TRAF7: variants seen among roughly 807,000 people sequenced by gnomAD.
TRAF7 encodes the protein TNF receptor associated factor 7.
A neutral mutation model predicts 89.3 loss-of-function variants in TRAF7; 45 were observed. That is an observed-to-expected ratio of 0.50 (90% confidence interval 0.40 to 0.65). The LOEUF is 0.65. Among genes scored for constraint, TRAF7 ranks in the 30% least tolerant of loss-of-function variants. The probability of loss-of-function intolerance (pLI) is 0.00; values close to 1 mark genes in which losing one functional copy is unlikely to be tolerated. For synonymous variants in TRAF7, 406 were observed against 369.2 expected (o/e 1.10, Z -1.14); for missense variants, 677 against 918.1 (o/e 0.74, Z 3.39).
In TRAF7 at chr16:2,168,403, C is replaced by A; in HGVS notation, c.231+235C>A. ...AGTGAGGGCAGCTGGGTCAGAGGGC[C>A]TGGCACCTGCAGGCCAGGATGAGGC... On this transcript the variant is annotated intron_variant, in intron 4 of 20. Coordinates refer to ENST00000326181, the MANE Select transcript of TRAF7 (RefSeq NM_032271.3). This position sits in a 1 kb window ranked among gnomAD's most constrained non-coding sequence, Gnocchi z 4.1. 2.0e-6 allele frequency: 1 copy of A among 507,978 alleles called. No homozygotes were observed. The highest frequency in any genetic ancestry group is 3.5e-6 in the Non-Finnish European group (1 of 282,120). 31.5% of individuals were successfully genotyped at this position (507,978 alleles called of 1,614,324 possible). A position where few individuals can be genotyped will look rare whatever the true frequency, so the allele number is the denominator to read the frequency against.
In TRAF7 at chr16:2,176,901, G is replaced by C; in HGVS notation, c.*327G>C. 2 of 512,150 alleles carry C rather than the reference G, an allele frequency of 3.9e-6. No individual in the cohort carries two copies. The highest frequency in any genetic ancestry group is 4.2e-5 in the South Asian group (2 of 47,230). The allele number at this position is 512,150 out of a possible 1,614,324, so 31.7% of individuals were successfully genotyped here. On this transcript the variant is annotated 3_prime_UTR_variant, in exon 21 of 21. Transcript: ENST00000326181. ...CGTTTTTAGACTGTATGTAGATTTG[G>C]TTACCTCCTGGTTGAAATAAATGCT...
chr16:2,169,315 A>G (rs1198616387), intron 4 of TRAF7, among the ~76,000 whole-genome samples: 1 of 152,172 alleles, frequency 6.6e-6, no homozygotes, highest in African/African-American at 2.4e-5. Flanking sequence ...TTGAACAAAC[A>G]CACCTGTGTG....
chr16:2,175,472 C>T (rs2141294435), intron 16 of TRAF7, 28 bp from the exon 17 acceptor site: 1 of 1,612,784 alleles, frequency 6.2e-7, no homozygotes. Flanking sequence ...CTTGCCCGCC[C>T]AGCCCACAGT....
At chr16:2,174,418 G>T in intron 14 of TRAF7, 85 bp downstream of exon 14, 1 of 1,370,744 alleles carries the variant, frequency 7.3e-7, no homozygotes, top group Non-Finnish European at 1.0e-6. Flanking sequence ...CCATGAGCTC[G>T]AGCCTGTGTA....
At position 2,174,302 on chromosome 16, in the gene TRAF7, G is replaced by T; in HGVS notation, c.1315G>T (p.Asp439Tyr). 6.2e-7 allele frequency: 1 copy of T among 1,613,274 alleles called. No individual in the cohort carries two copies. Among genetic ancestry groups the T allele is most frequent in the Non-Finnish European group, 8.5e-7 (1 of 1,179,974 alleles). ...YKCQKTLEGH[D>Y]GIVLALCIQG... ...GTGTCAGAAGACACTGGAGGGCCAT[G>T]ATGGCATCGTGCTGGCTCTCTGCAT... The change falls in exon 14 of 21, where the codon GAT (aspartate) becomes TAT (tyrosine). Residue 439 changes from aspartate to tyrosine, a missense_variant. Asp to Tyr is a radical substitution (Grantham distance 160). Coordinates refer to ENST00000326181, the MANE Select transcript of TRAF7 (RefSeq NM_032271.3).
intron 3 of TRAF7, among the ~76,000 whole-genome samples, chr16:2,167,730 G>C (rs1164148410): frequency 2.0e-5 from 3 of 152,202 alleles, no homozygotes; most frequent in African/African-American, 7.2e-5. Flanking sequence ...GCTGCGTGCT[G>C]GCCATGAGCC....
intron 4 of TRAF7, among the ~76,000 whole-genome samples, chr16:2,170,008 G>A (rs1235484189): frequency 6.6e-6 from 1 of 152,204 alleles, no homozygotes; most frequent in African/African-American, 2.4e-5. Flanking sequence ...CCCTCCCCCA[G>A]GCTCCCTTGT....
chr16:2,174,174 C>A, intron 13 of TRAF7, 77 bp from the exon 14 acceptor site: 3 of 1,594,702 alleles, frequency 1.9e-6, no homozygotes, highest in Non-Finnish European at 2.6e-6. Context: ...GCGGGGCTCC[C>A]TCACTCATTC....
Position 2,176,395 on chromosome 16 carries a change from G to A in TRAF7, c.1998+11G>A, listed in dbSNP as rs749464397. ...GATAGCACTGTGAAGGTCAGTGCCC[G>A]TGGCTCAGGCCATTCAAAGGGGCTG... On this transcript the variant is annotated intron_variant, in intron 20 of 20. Coordinates refer to ENST00000326181, the MANE Select transcript of TRAF7 (RefSeq NM_032271.3). 4.3e-5 allele frequency: 69 copies of A among 1,610,062 alleles called. No homozygotes were observed. The highest frequency in any genetic ancestry group is 2.7e-4 in the South Asian group (25 of 90,966).
rs1401338939 is a variant in TRAF7, at chr16:2,168,515, C to T, written c.231+347C>T. The stretch of plus-strand genomic sequence containing the variant: ...AATAAAATACATGCTTTGAAAGCTT[C>T]CTTTGCTGCTGGGTAGGGAATGAGC... On this transcript the variant is annotated intron_variant, in intron 4 of 20. Transcript: ENST00000326181. The surrounding 1 kb of genome is among the most constrained non-coding windows in gnomAD (Gnocchi z 4.1). 4.0e-5 allele frequency: 9 copies of T among 224,246 alleles called. No individual in the cohort carries two copies. The Admixed American group carries it at 5.0e-4, about 12-fold the overall frequency. 13.9% of individuals were successfully genotyped at this position (224,246 alleles called of 1,614,324 possible).
chr16:2,173,866 C>CCCCCCCCCCCCCCCGG, intron 12 of TRAF7, 30 bp downstream of exon 12: 2 of 1,329,520 alleles, frequency 1.5e-6, no homozygotes, highest in African/African-American at 1.5e-5. Flanking sequence ...GGCTCCCGCC[C>CCCCCCCCCCCCCCCGG]ACCCTCCCCC....
In TRAF7 at chr16:2,163,707, T is replaced by G. The variant is rs2093066524; in HGVS notation, c.-38-176T>G. The stretch of plus-strand genomic sequence containing the variant: ...TGCCCGGGCCTCTGCATACCTGGGA[T>G]CGGGGTGAAGGACCTTTGCCTCCTA... On this transcript the variant is annotated intron_variant, in intron 1 of 20. Coordinates refer to ENST00000326181, the MANE Select transcript of TRAF7 (RefSeq NM_032271.3). The surrounding 1 kb of genome is among the most constrained non-coding windows in gnomAD (Gnocchi z 4.3). 5.1e-6 allele frequency: 3 copies of G among 593,674 alleles called. No individual in the cohort carries two copies. Among genetic ancestry groups the G allele is most frequent in the Non-Finnish European group, 9.0e-6 (3 of 331,956 alleles). 36.8% of individuals were successfully genotyped at this position (593,674 alleles called of 1,614,324 possible). A position where few individuals can be genotyped will look rare whatever the true frequency, so the allele number is the denominator to read the frequency against.
At chr16:2,173,013 C>T (rs950101901) in intron 9 of TRAF7, among the ~76,000 whole-genome samples, 169 bp from the exon 10 acceptor site, 4 of 150,620 alleles carry the variant, frequency 2.7e-5, no homozygotes, top group African/African-American at 4.9e-5. Context: ...ACTTGTGAAG[C>T]AGACTGGGGG....
At chr16:2,175,775 CG>C in intron 17 of TRAF7, 58 bp from the exon 18 acceptor site, 1 of 1,602,786 alleles carries the variant, frequency 6.2e-7, no homozygotes, top group East Asian at 2.2e-5. Flanking sequence ...CCTGGGGGTG[CG>C]GGGGCCCTGG....
chr16:2,176,131 C>T lies in TRAF7; in HGVS notation c.1829C>T (p.Thr610Met), dbSNP rs2141298694. The change falls in exon 19 of 21, where the codon ACG becomes ATG. Residue 610 changes from threonine to methionine, a missense_variant. This residue lies in a region of TRAF7 where 160 missense variants were observed against 263.7 expected (regional missense o/e 0.61). Transcript: ENST00000326181. ...GTVYALAVIS[T>M]PDQTKVFSAS... ...GTGTATGCCCTGGCGGTCATCTCGA[C>T]GCCAGACCAGACCAAAGTCTTCAGT... 12 of 1,610,512 alleles carry T rather than the reference C, an allele frequency of 7.5e-6. No individual in the cohort carries two copies. Among genetic ancestry groups the T allele is most frequent in the Non-Finnish European group, 7.6e-6 (9 of 1,179,582 alleles).
chr16:2,169,357 G>A (rs1260459279), intron 4 of TRAF7, among the ~76,000 whole-genome samples: 1 of 152,190 alleles, frequency 6.6e-6, no homozygotes, highest in Non-Finnish European at 1.5e-5. Flanking sequence ...GGGCGAGTTG[G>A]GTATGTCTGG....
rs2141295453 is a variant in TRAF7, at chr16:2,175,615, C to A, written c.1619C>A (p.Thr540Lys). The A allele has an allele frequency of 6.2e-7, 1 of 1,611,982 alleles. No individual in the cohort carries two copies. Among genetic ancestry groups the A allele is most frequent in the Non-Finnish European group, 8.5e-7 (1 of 1,179,620 alleles). ...TACCTGTACAGCGGCTCCTACCAGA[C>A]AATCAAGGTGCGCTTGGGCACACCT... ...QSYLYSGSYQTIKIWDIRTLD... is the reference protein window; with the variant it reads ...QSYLYSGSYQKIKIWDIRTLD... The change falls in exon 17 of 21, where the codon ACA (threonine) becomes AAA (lysine). Residue 540 changes from threonine (T) to lysine (K), a missense_variant. Physicochemically the swap from Thr to Lys is moderately conservative, Grantham distance 78 (BLOSUM62 -1). This residue lies in a region of TRAF7 where 160 missense variants were observed against 263.7 expected (regional missense o/e 0.61). Transcript: ENST00000326181.
intron 9 of TRAF7, 113 bp from the exon 10 acceptor site, chr16:2,173,069 C>A (rs1444656947): frequency 2.1e-6 from 2 of 931,670 alleles, no homozygotes; most frequent in East Asian, 5.3e-5. Flanking sequence ...TGGGTGGGGG[C>A]AGCTGGACCT....
Position 2,172,336 on chromosome 16 carries a change from C to T in TRAF7, c.621C>T (p.Pro207=). The change falls in exon 8 of 21, where the codon CCC becomes CCT. Residue 207 remains proline, a synonymous_variant. Transcript: ENST00000326181. ...SGKPPIFEVD[P]RGCPFTIKLS... ...AGCCCCCCATCTTTGAGGTGGACCCCCGAGGGTGCCCCTTCACCATCAAGC... is the reference window on the plus strand; with the variant it reads ...AGCCCCCCATCTTTGAGGTGGACCCTCGAGGGTGCCCCTTCACCATCAAGC... The T allele has an allele frequency of 1.2e-6, 2 of 1,612,320 alleles. No homozygotes were observed. The highest frequency in any genetic ancestry group is 1.7e-6 in the Non-Finnish European group (2 of 1,179,894).
Sources: allele counts gnomAD v4.1 joint callset (sites outside exome capture counted in the v4.1 genomes callset), GRCh38; gene constraint gnomAD v4.1.1; regional missense constraint gnomAD v4.1.1; non-coding constraint Gnocchi (gnomAD v3.1); transcripts MANE v1.5; gene names NCBI Gene and HGNC (gene_info 2026-07-23, HGNC 2026-07-21).